WASHC4: variants seen among roughly 807,000 people sequenced by gnomAD.
WASHC4 encodes the protein WASH complex subunit 4.
Under a neutral mutation model 166.6 loss-of-function variants are expected in WASHC4, and 86 were observed. The ratio of observed to expected loss-of-function variants is 0.52; its 90% CI spans 0.43 to 0.62. The LOEUF (loss-of-function observed/expected upper bound fraction) is 0.62. Among genes scored for constraint, WASHC4 ranks in the 20% least tolerant of loss-of-function variants. The pLI, the probability that WASHC4 is intolerant of heterozygous loss-of-function variation, is 0.00. For synonymous variants in WASHC4, 446 were observed against 451.6 expected (o/e 0.99, Z 0.16); for missense variants, 1,262 against 1,382.4 (o/e 0.91, Z 1.38).
chr12:105,146,587 G>A, intron 23 of WASHC4, 61 bp downstream of exon 23: 1 of 883,876 alleles, frequency 1.1e-6, no homozygotes. Context: ...GAAGGCTGAG[G>A]GGCAAGGAAT....
Position 105,111,086 on chromosome 12 carries a change from C to T in WASHC4, c.62-39C>T, listed in dbSNP as rs200700259. 2,021 of 1,475,290 alleles carry T rather than the reference C, an allele frequency of 1.4e-3. 26 individuals carry two copies. The highest frequency in any genetic ancestry group is 1.8e-4 in the Non-Finnish European group (195 of 1,058,602). 91.4% of individuals were successfully genotyped at this position (1,475,290 alleles called of 1,614,324 possible). A position where few individuals can be genotyped will look rare whatever the true frequency, so the allele number is the denominator to read the frequency against. On this transcript the variant is annotated intron_variant, in intron 1 of 32. Transcript: ENST00000332180. ...GAAGTAAATGTCCTGCAATTCATTACTTGCACTTATCACATACTGTTTTAA... is the reference window on the plus strand; with the variant it reads ...GAAGTAAATGTCCTGCAATTCATTATTTGCACTTATCACATACTGTTTTAA...
chr12:105,115,760 A>G, intron 6 of WASHC4, 32 bp downstream of exon 6: 2 of 1,411,874 alleles, frequency 1.4e-6, no homozygotes, highest in Non-Finnish European at 2.0e-6. Flanking sequence ...CTGAGCTTTT[A>G]CTTCAAAAAG....
chr12:105,125,682 A>G (rs544088244), intron 10 of WASHC4, among the ~76,000 whole-genome samples: 1 of 152,174 alleles, frequency 6.6e-6, no homozygotes, highest in African/African-American at 2.4e-5. Context: ...TCTACTCTTA[A>G]AAGTGCAAAG....
chr12:105,151,212 TAGTGA>T lies in WASHC4; in HGVS notation c.2650-1118_2650-1114del, dbSNP rs1451526989. 2.7e-5 allele frequency among the ~76,000 whole-genome samples: 4 copies of T among 146,912 alleles called. No individual in the cohort carries two copies. The South Asian group carries it at 6.4e-4, about 24-fold the overall frequency. On this transcript the variant is annotated intron_variant, in intron 25 of 32. Coordinates refer to ENST00000332180, the MANE Select transcript of WASHC4 (RefSeq NM_015275.3). ...TCACCTTCCAGGCTGAGTTTTCCCA[TAGTGA>T]AGTGAAGTGAAGAATCTGTTGAATT...
intron 24 of WASHC4, chr12:105,147,721 C>T: frequency 2.7e-6 from 1 of 370,588 alleles, no homozygotes; most frequent in African/African-American, 2.2e-5. Context: ...GCCTGACCAA[C>T]ATGGAGAAAC....
At chr12:105,155,328 A>T (rs1257993888) in intron 26 of WASHC4, 1 of 152,312 alleles carries the variant, frequency 6.6e-6, no homozygotes, top group African/African-American at 2.4e-5. Context: ...GTTGGGGAGT[A>T]AGCCACGTGC....
chr12:105,139,439 A>G (rs945740052), intron 15 of WASHC4, among the ~76,000 whole-genome samples: 1,466 of 132,384 alleles, frequency 0.011, 83 homozygotes, highest in East Asian at 0.088. Context: ...ATATATATAT[A>G]TATATATATA....
At chr12:105,121,569 G>A (rs145562753) in intron 9 of WASHC4, among the ~76,000 whole-genome samples, 9,642 of 152,186 alleles carry the variant, frequency 0.063, 375 homozygotes, top group Non-Finnish European at 0.082. Flanking sequence ...GTGCAGTGGC[G>A]TGATCTCGGC....
chr12:105,138,932 A>C (rs971347119), intron 15 of WASHC4, among the ~76,000 whole-genome samples: 1 of 152,154 alleles, frequency 6.6e-6, no homozygotes, highest in Non-Finnish European at 1.5e-5. Context: ...ATATTTTCAA[A>C]TGCTGTGTTT....
At chr12:105,161,208 A>G (rs530824630) in intron 29 of WASHC4, among the ~76,000 whole-genome samples, 1 of 152,348 alleles carries the variant, frequency 6.6e-6, no homozygotes, top group East Asian at 1.9e-4. Flanking sequence ...ACATCTTCTT[A>G]CATATTAAAA....
intron 19 of WASHC4, 64 bp downstream of exon 19, chr12:105,142,622 A>T (rs554789652): frequency 1.6e-5 from 14 of 862,258 alleles, no homozygotes; most frequent in African/African-American, 8.8e-5. Flanking sequence ...AAACCGTTTT[A>T]GTTTAAAATA....
intron 9 of WASHC4, 30 bp downstream of exon 9, chr12:105,121,234 TCTTA>T (rs1880712042): frequency 7.6e-7 from 1 of 1,322,876 alleles, no homozygotes; most frequent in African/African-American, 1.4e-5. Context: ...TTAAAATGTT[TCTTA>T]CTTTGGTTAA....
chr12:105,121,446 A>G (rs1880733194), intron 9 of WASHC4, among the ~76,000 whole-genome samples: 1 of 152,158 alleles, frequency 6.6e-6, no homozygotes. Flanking sequence ...GTAGAAAGTT[A>G]ATTTGCCTAG....
chr12:105,160,965 CA>C (rs1368384377), intron 29 of WASHC4, among the ~76,000 whole-genome samples: 1 of 151,944 alleles, frequency 6.6e-6, no homozygotes, highest in Non-Finnish European at 1.5e-5. Context: ...TTCAAGTTAT[CA>C]AAAATTGCAT....
intron 4 of WASHC4, among the ~76,000 whole-genome samples, chr12:105,114,869 A>G (rs1462239512): frequency 2.0e-5 from 3 of 151,774 alleles, no homozygotes; most frequent in African/African-American, 4.8e-5. Flanking sequence ...CAAACTTCGT[A>G]TTTTCTTCTC....
At chr12:105,108,974 T>C (rs1301850149) in intron 1 of WASHC4, among the ~76,000 whole-genome samples, 2 of 152,132 alleles carry the variant, frequency 1.3e-5, no homozygotes, top group East Asian at 3.9e-4. Flanking sequence ...ACCCCGTCTC[T>C]ACTAAAAAAT....
chr12:105,146,800 A>C (rs1327332709), intron 23 of WASHC4, among the ~76,000 whole-genome samples: 4 of 152,112 alleles, frequency 2.6e-5, no homozygotes, highest in Non-Finnish European at 4.4e-5. Flanking sequence ...GAAAATCCAA[A>C]ATCTGAAATG....
chr12:105,167,224 A>G lies in WASHC4; in HGVS notation c.*293A>G. 1 of 368,072 alleles carries G rather than the reference A, an allele frequency of 2.7e-6. No individual in the cohort carries two copies. The allele number at this position is 368,072 out of a possible 1,614,324, so 22.8% of individuals were successfully genotyped here. On this transcript the variant is annotated 3_prime_UTR_variant, in exon 33 of 33. Coordinates refer to ENST00000332180, the MANE Select transcript of WASHC4 (RefSeq NM_015275.3). ...GGCAAATCCAGATTCATAAACTATCACCTCGGATTTCTTGTAATCTACATG... is the reference window on the plus strand; with the variant it reads ...GGCAAATCCAGATTCATAAACTATCGCCTCGGATTTCTTGTAATCTACATG...
chr12:105,163,067 C>T (rs1270578091), intron 30 of WASHC4, among the ~76,000 whole-genome samples: 1 of 152,052 alleles, frequency 6.6e-6, no homozygotes, highest in Admixed American at 6.5e-5. Context: ...CACCATTCTC[C>T]TGCCTCAGCC....
Sources: gnomAD v4.1 joint callset for allele counts (sites outside exome capture counted in the v4.1 genomes callset) on GRCh38, gnomAD v4.1.1 for gene constraint, MANE v1.5 for transcripts, NCBI Gene and HGNC (gene_info 2026-07-23, HGNC 2026-07-21) for gene names.